RYR2: variants seen among roughly 807,000 people sequenced by gnomAD.
RYR2 encodes cardiac muscle ryanodine receptor-calcium release channel.
In RYR2, 227 loss-of-function variants were observed where a neutral mutation model predicts 601.1. The observed-to-expected ratio is 0.38, with a 90% CI of 0.34 to 0.42. RYR2 has a LOEUF of 0.42. Among genes scored for constraint, RYR2 ranks in the 10% least tolerant of loss-of-function variants. The probability of loss-of-function intolerance (pLI) is 1.00; values close to 1 mark genes in which losing one functional copy is unlikely to be tolerated. For missense variants in RYR2, 4,646 were observed against 6,156.5 expected (o/e 0.75, Z 8.21); for synonymous variants, 2,223 against 2,175.1 (o/e 1.02, Z -0.61).
chr1:237,484,901 C>G (rs1662514299), intron 17 of RYR2, among the ~76,000 whole-genome samples: 2 of 151,094 alleles, frequency 1.3e-5, no homozygotes, highest in Non-Finnish European at 2.9e-5. Flanking sequence ...TAGTTACATC[C>G]TTGGAGATTT....
At chr1:237,253,959 A>T (rs1687713568) in intron 1 of RYR2, among the ~76,000 whole-genome samples, 1 of 152,226 alleles carries the variant, frequency 6.6e-6, no homozygotes, top group Non-Finnish European at 1.5e-5. Flanking sequence ...TTGCAAACTT[A>T]TATTTCACTG....
rs1681414995 is a variant in RYR2 at position 237,641,030 on chromosome 1, A to G, written c.7221+28A>G. ...GAGTTTCTGGGAGTTCAGGAGCAGC[A>G]ATCCTGATTTCTCTGTGTTAAGACA... On this transcript the variant is annotated intron_variant, in intron 47 of 104. Transcript: ENST00000366574. The G allele has an allele frequency of 5.9e-6, 9 of 1,528,482 alleles. No homozygotes were observed. The East Asian group carries it at 2.0e-4, about 35-fold the overall frequency. The allele number at this position is 1,528,482 out of a possible 1,614,324, so 94.7% of individuals were successfully genotyped here.
rs1677736115 is a variant in RYR2 at position 237,610,619 on chromosome 1, T to A, written c.4684-143T>A. 1.5e-6 allele frequency: 1 copy of A among 678,600 alleles called. No individual in the cohort carries two copies. The highest frequency in any genetic ancestry group is 2.5e-6 in the Non-Finnish European group (1 of 404,808). The allele number at this position is 678,600 out of a possible 1,614,324, so 42.0% of individuals were successfully genotyped here. A position where few individuals can be genotyped will look rare whatever the true frequency, so the allele number is the denominator to read the frequency against. On this transcript the variant is annotated intron_variant, in intron 35 of 104. Transcript: ENST00000366574. This position sits in a 1 kb window ranked among gnomAD's most constrained non-coding sequence, Gnocchi z 4.9. ...TTCAGAAACTTTTCAACCCAATTTC[T>A]ATGATTTCTTGTGTTGACTTTGCTT...
chr1:237,110,263 G>T (rs1669305058), intron 1 of RYR2, among the ~76,000 whole-genome samples: 1 of 48,866 alleles, frequency 2.0e-5, no homozygotes, highest in Admixed American at 3.2e-4. Flanking sequence ...GCCTGAAAAT[G>T]GGCATTTTTT....
In RYR2 at chr1:237,423,261, A is replaced by G. The variant is rs552027921; in HGVS notation, c.1005+13A>G. 3.2e-4 allele frequency: 517 copies of G among 1,609,778 alleles called. 1 individual carries two copies. Among genetic ancestry groups the G allele is most frequent in the Non-Finnish European group, 4.2e-4 (497 of 1,178,586 alleles). On this transcript the variant is annotated intron_variant, in intron 12 of 104. Transcript: ENST00000366574. ...CCGGTCTTCCAAGGTGAGACAGAAA[A>G]TATTTTGGGTTTCCTATAAATGTTA...
intron 5 of RYR2, among the ~76,000 whole-genome samples, chr1:237,368,842 A>ATTTATTT (rs1558697074): frequency 4.8e-5 from 6 of 125,988 alleles, no homozygotes; most frequent in African/African-American, 1.2e-4. Flanking sequence ...TTTATTTATT[A>ATTTATTT]AGATAGAGTC....
intron 88 of RYR2, among the ~76,000 whole-genome samples, chr1:237,779,409 G>A (rs1215031220): frequency 1.3e-5 from 2 of 152,200 alleles, no homozygotes; most frequent in African/African-American, 4.8e-5. Context: ...TCTTGTGAAT[G>A]TGTCTCTTCA....
intron 51 of RYR2, among the ~76,000 whole-genome samples, chr1:237,652,986 G>A (rs766520925): frequency 3.3e-5 from 5 of 152,032 alleles, no homozygotes; most frequent in Non-Finnish European, 5.9e-5. Flanking sequence ...TATTTTCTTC[G>A]TTAGATATAG....
chr1:237,124,822 A>T (rs1326333365), intron 1 of RYR2, among the ~76,000 whole-genome samples: 1 of 151,910 alleles, frequency 6.6e-6, no homozygotes, highest in Non-Finnish European at 1.5e-5. Flanking sequence ...CCCCCATCCC[A>T]TCTCCCCACC....
chr1:237,644,930 G>T (rs2148767795), intron 48 of RYR2, among the ~76,000 whole-genome samples: 1 of 152,258 alleles, frequency 6.6e-6, no homozygotes, highest in Non-Finnish European at 1.5e-5. Flanking sequence ...TACTCAGGAG[G>T]CCGAGGCAGG....
intron 1 of RYR2, among the ~76,000 whole-genome samples, chr1:237,166,844 C>A (rs1416264770): frequency 6.6e-6 from 1 of 152,116 alleles, no homozygotes; most frequent in Non-Finnish European, 1.5e-5. Flanking sequence ...TCACTAGGTT[C>A]TAGGGTTTCA....
chr1:237,317,384 T>C (rs767522351), intron 2 of RYR2, among the ~76,000 whole-genome samples: 10 of 152,322 alleles, frequency 6.6e-5, no homozygotes, highest in Admixed American at 2.0e-4. Flanking sequence ...AGTTTAAACA[T>C]AGTTGCAGAT....
intron 29 of RYR2, among the ~76,000 whole-genome samples, chr1:237,577,506 G>C (rs1217552062): frequency 5.2e-5 from 3 of 58,028 alleles, no homozygotes; most frequent in Non-Finnish European, 1.2e-4. Flanking sequence ...GTTTCTGTGT[G>C]TGTGTGTGTG....
At chr1:237,638,910 G>A (rs1259914648) in intron 45 of RYR2, 105 bp from the exon 46 acceptor site, 10 of 1,300,618 alleles carry the variant, frequency 7.7e-6, no homozygotes, top group Middle Eastern at 2.6e-4. Context: ...TATATTGTTG[G>A]GTTTTAGTTA....
intron 31 of RYR2, among the ~76,000 whole-genome samples, chr1:237,591,261 G>T (rs998401474): frequency 6.8e-6 from 1 of 148,128 alleles, no homozygotes. Flanking sequence ...GATGCTGTAG[G>T]GAAAAATTAA....
At chr1:237,374,287 G>A (rs1700856624) in intron 6 of RYR2, among the ~76,000 whole-genome samples, 1 of 152,066 alleles carries the variant, frequency 6.6e-6, no homozygotes, top group Admixed American at 6.6e-5. Flanking sequence ...CTTGGGAAGT[G>A]GAGGTGGGAG....
At chr1:237,771,623 T>C (rs963592389) in intron 85 of RYR2, among the ~76,000 whole-genome samples, 1 of 152,108 alleles carries the variant, frequency 6.6e-6, no homozygotes, top group Non-Finnish European at 1.5e-5. Context: ...TCCATCTTAA[T>C]TTTATCTTGG....
chr1:237,643,478 G>A lies in RYR2; in HGVS notation c.7342+31G>A, dbSNP rs765152619. The A allele has an allele frequency of 9.3e-6, 15 of 1,613,146 alleles. No homozygotes were observed. The South Asian group carries it at 1.6e-4, about 18-fold the overall frequency. On this transcript the variant is annotated intron_variant, in intron 48 of 104. Transcript: ENST00000366574. ...GCCAACTTCAATTTGTCCTAATTCAGTAGGATGTTGGATGACATCATGTTC... is the reference window on the plus strand; with the variant it reads ...GCCAACTTCAATTTGTCCTAATTCAATAGGATGTTGGATGACATCATGTTC...
At chr1:237,338,495 T>G (rs975866572) in intron 3 of RYR2, among the ~76,000 whole-genome samples, 1 of 152,172 alleles carries the variant, frequency 6.6e-6, no homozygotes, top group African/African-American at 2.4e-5. Context: ...AATGAGGATA[T>G]ATATAAATGC....
Sources: gnomAD v4.1 joint callset for allele counts (sites outside exome capture counted in the v4.1 genomes callset) on GRCh38, gnomAD v4.1.1 for gene constraint, Gnocchi (gnomAD v3.1) non-coding constraint, MANE v1.5 for transcripts, NCBI Gene and HGNC (gene_info 2026-07-23, HGNC 2026-07-21) for gene names.